SCML4: variants seen among roughly 807,000 people sequenced by gnomAD.
SCML4 encodes the protein Scm polycomb group protein like 4.
Under a neutral mutation model 41.1 loss-of-function variants are expected in SCML4, and 34 were observed. The observed-to-expected ratio is 0.83, with a 90% CI of 0.63 to 1.10. The LOEUF (loss-of-function observed/expected upper bound fraction) is 1.10. Among genes scored for constraint, SCML4 ranks in the 50% least tolerant of loss-of-function variants. The probability of loss-of-function intolerance (pLI) is 0.00; values close to 1 mark genes in which losing one functional copy is unlikely to be tolerated. For missense variants in SCML4, 522 were observed against 534.1 expected (o/e 0.98, Z 0.22); for synonymous variants, 214 against 220.9 (o/e 0.97, Z 0.28).
chr6:107,805,703 T>C (rs1412141226), intron 1 of SCML4, among the ~76,000 whole-genome samples: 1 of 152,216 alleles, frequency 6.6e-6, no homozygotes, highest in African/African-American at 2.4e-5. Flanking sequence ...CCAACTTAGC[T>C]CAGCGAAGAG....
At chr6:107,839,996 G>A in the SCML4 span, among the ~76,000 whole-genome samples, 15 of 152,002 alleles carry the variant, frequency 9.9e-5, no homozygotes, top group Admixed American at 6.6e-5. Flanking sequence ...AATGTAAACC[G>A]AATTTGACTG....
intron 6 of SCML4, among the ~76,000 whole-genome samples, chr6:107,714,169 T>C (rs919984404): frequency 1.6e-4 from 24 of 152,260 alleles, no homozygotes; most frequent in African/African-American, 5.5e-4. Flanking sequence ...TTTCAATTAT[T>C]TGAGACCAGC....
intron 2 of SCML4, among the ~76,000 whole-genome samples, chr6:107,761,726 T>A (rs10080891): frequency 6.6e-6 from 1 of 151,668 alleles, no homozygotes; most frequent in South Asian, 2.1e-4. Flanking sequence ...CATGAGCCAC[T>A]ATACCCGGCA....
At chr6:107,772,437 G>C (rs1207324687) in intron 1 of SCML4, 51 bp from the exon 2 acceptor site, 2 of 1,070,782 alleles carry the variant, frequency 1.9e-6, no homozygotes, top group Non-Finnish European at 2.6e-6. Flanking sequence ...GGGTTTGTTT[G>C]GTTTGCAAGG....
intron 6 of SCML4, among the ~76,000 whole-genome samples, chr6:107,713,766 C>G (rs1478663270): frequency 6.6e-6 from 1 of 152,064 alleles, no homozygotes; most frequent in Admixed American, 6.6e-5. Flanking sequence ...GTTGGGAGGA[C>G]CGGGGCTGGC....
At chr6:107,791,814 C>T (rs1189361663) in intron 1 of SCML4, among the ~76,000 whole-genome samples, 2 of 151,924 alleles carry the variant, frequency 1.3e-5, no homozygotes, top group African/African-American at 2.4e-5. Flanking sequence ...ATTAGCTGAG[C>T]GTGGTGGCTC....
At chr6:107,839,381 GAAAGAA>G in the SCML4 span, among the ~76,000 whole-genome samples, 1 of 143,104 alleles carries the variant, frequency 7.0e-6, no homozygotes, top group Non-Finnish European at 1.5e-5. Flanking sequence ...AAGAAAGAAA[GAAAGAA>G]AGAAAGAAAG....
Position 107,749,782 on chromosome 6 carries a change from G to T in SCML4, c.188C>A (p.Ala63Asp). The change falls in exon 3 of 8, where the codon GCC becomes GAC. Residue 63 changes from alanine (A) to aspartate (D), a missense_variant. Ala to Asp is a moderately radical substitution (Grantham distance 126). Coordinates refer to ENST00000369020, the MANE Select transcript of SCML4 (RefSeq NM_198081.5). ...TGGGGTACTCCGCGGAGGTGAGAGG[G>T]CTAAGGGAGTCATGAGAACCCGAGA... The part of the protein sequence containing the change: ...IKSRVLMTPL[A>D]LSPPRSTPEP... The T allele has an allele frequency of 6.2e-7, 1 of 1,614,088 alleles. No individual in the cohort carries two copies. The highest frequency in any genetic ancestry group is 1.1e-5 in the South Asian group (1 of 91,084).
At position 107,802,675 on chromosome 6, in the gene SCML4, TCTCCCTCTCCCTCC is replaced by T. The variant is rs1212086302; in HGVS notation, c.-60+21437_-60+21450del. Reference sequence around the variant, plus strand: ...AGGCTCCTCCTCTCCCTCTCCCTCCTCTCCCTCTCCCTCCCCCTCCTCTCCCTCTCCCTCCTCTC... The same window carrying T: ...AGGCTCCTCCTCTCCCTCTCCCTCCTCCCTCCTCTCCCTCTCCCTCCTCTC... On this transcript the variant is annotated intron_variant, in intron 1 of 7. Coordinates refer to ENST00000369020, the MANE Select transcript of SCML4 (RefSeq NM_198081.5). Among the ~76,000 whole-genome samples the T allele has an allele frequency of 1.4e-3, 3 of 2,164 alleles. No homozygotes were observed. In the Admixed American group the frequency reaches 0.039, roughly 28 times the overall value. The allele number at this position is 2,164 out of a possible 152,430, so 1.4% of individuals were successfully genotyped here.
In SCML4 at chr6:107,708,009, A is replaced by C; in HGVS notation, c.976T>G (p.Ser326Ala). 2.6e-6 allele frequency: 4 copies of C among 1,550,418 alleles called. No homozygotes were observed. Among genetic ancestry groups the C allele is most frequent in the Non-Finnish European group, 3.5e-6 (4 of 1,146,962 alleles). ...TTSLEGNRCA[S>A]SPSQDAQDAR... ...TCCTGCGCATCCTGAGAAGGGCTTG[A>C]GGCTGGATGGGGCACAGAGAGGGAG... The change falls in exon 7 of 8, where the codon TCA becomes GCA. Residue 326 changes from serine to alanine, a missense_variant and splice_region_variant. Transcript: ENST00000369020.
At chr6:107,827,842 T>C (rs998003357), upstream of SCML4, among the ~76,000 whole-genome samples, 1 of 152,150 alleles carries the variant, frequency 6.6e-6, no homozygotes, top group Admixed American at 6.5e-5. Context: ...ATTTGAAGAG[T>C]AATCCTTCTG....
intron 1 of SCML4, among the ~76,000 whole-genome samples, chr6:107,785,858 G>C (rs1039188268): frequency 6.6e-6 from 1 of 152,114 alleles, no homozygotes; most frequent in African/African-American, 2.4e-5. Flanking sequence ...GGTTTTCCAG[G>C]GCCACAAAAC....
chr6:107,751,594 C>CTTTG, intron 2 of SCML4, among the ~76,000 whole-genome samples: 2 of 136,158 alleles, frequency 1.5e-5, no homozygotes. Context: ...TTCTTTCTTT[C>CTTTG]TTTCTTTCTT....
rs1783818403 is a variant in SCML4 at position 107,807,370 on chromosome 6, C to G, written c.-60+16756G>C. On this transcript the variant is annotated intron_variant, in intron 1 of 7. Transcript: ENST00000369020. ...CCTTAGAAATTTTGCACTCCCTCCC[C>G]CAGGTCCCTTCCTCTAGCAAGACCT... Among the ~76,000 whole-genome samples, 4 of 152,274 alleles carry G rather than the reference C, an allele frequency of 2.6e-5. No homozygotes were observed. The South Asian group carries it at 8.3e-4, about 32-fold the overall frequency.
rs375625250 is a variant in SCML4 at position 107,749,767 on chromosome 6, C to G, written c.203G>C (p.Arg68Pro). The stretch of plus-strand genomic sequence containing the variant: ...GCTGAGGTCGGGCTCTGGGGTACTC[C>G]GCGGAGGTGAGAGGGCTAAGGGAGT... ...LMTPLALSPPRSTPEPDLSSI... is the reference protein window; with the variant it reads ...LMTPLALSPPPSTPEPDLSSI... Residue 68 changes from arginine (R) to proline (P), a missense_variant, in exon 3 of 8, where the codon CGG becomes CCG. Transcript: ENST00000369020. 1.2e-6 allele frequency: 2 copies of G among 1,614,000 alleles called. No individual in the cohort carries two copies. Among genetic ancestry groups the G allele is most frequent in the Non-Finnish European group, 1.7e-6 (2 of 1,179,982 alleles).
chr6:107,744,827 G>T, intron 5 of SCML4, 122 bp downstream of exon 5: 1 of 813,048 alleles, frequency 1.2e-6, no homozygotes, highest in Non-Finnish European at 1.9e-6. Flanking sequence ...CAGACAGGCA[G>T]CCCATGGGGC....
intron 2 of SCML4, among the ~76,000 whole-genome samples, chr6:107,771,776 C>T (rs745496119): frequency 2.0e-5 from 3 of 152,154 alleles, no homozygotes; most frequent in Non-Finnish European, 4.4e-5. Context: ...ATCATCTGCT[C>T]CTGCTAAAAT....
intron 1 of SCML4, among the ~76,000 whole-genome samples, chr6:107,778,222 A>AAAAAAAAT (rs1554218145): frequency 1.3e-4 from 2 of 15,534 alleles, no homozygotes; most frequent in African/African-American, 1.5e-4. Context: ...AAAAAAAAAA[A>AAAAAAAAT]ATATATATAT....
At chr6:107,767,632 G>T (rs1450626011) in intron 2 of SCML4, among the ~76,000 whole-genome samples, 1 of 152,150 alleles carries the variant, frequency 6.6e-6, no homozygotes, top group East Asian at 1.9e-4. Context: ...GTTAACAGAA[G>T]CCTGTCCTTT....
Sources: allele counts gnomAD v4.1 joint callset (sites outside exome capture counted in the v4.1 genomes callset), GRCh38; gene constraint gnomAD v4.1.1; transcripts MANE v1.5; gene names NCBI Gene and HGNC (gene_info 2026-07-23, HGNC 2026-07-21).